CDH4: variants seen among roughly 807,000 people sequenced by gnomAD.
CDH4 encodes cadherin 4.
In CDH4, 33 loss-of-function variants were observed where a neutral mutation model predicts 86.0. The ratio of observed to expected loss-of-function variants is 0.38; its 90% CI spans 0.29 to 0.51. The LOEUF (loss-of-function observed/expected upper bound fraction) is 0.51, where lower values mean the gene tolerates loss of function less well. CDH4 is among the 20% of genes least tolerant of loss of function. The probability of loss-of-function intolerance (pLI) is 0.86; values close to 1 mark genes in which losing one functional copy is unlikely to be tolerated. For synonymous variants in CDH4, 555 were observed against 549.4 expected (o/e 1.01, Z -0.14); for missense variants, 1,114 against 1,307.4 (o/e 0.85, Z 2.28).
chr20:61,866,245 A>G (rs1017803935), intron 6 of CDH4, among the ~76,000 whole-genome samples: 1 of 152,196 alleles, frequency 6.6e-6, no homozygotes, highest in South Asian at 2.1e-4. Flanking sequence ...AGGGATGTTC[A>G]GTAAATATTT....
chr20:61,481,696 GCA>G (rs2085569209), intron 2 of CDH4, among the ~76,000 whole-genome samples: 1 of 152,224 alleles, frequency 6.6e-6, no homozygotes, highest in Non-Finnish European at 1.5e-5. Flanking sequence ...CTGGCTGCAA[GCA>G]CACACGGTAT....
At chr20:61,624,568 G>T (rs775432463) in intron 2 of CDH4, among the ~76,000 whole-genome samples, 1 of 152,242 alleles carries the variant, frequency 6.6e-6, no homozygotes, top group Non-Finnish European at 1.5e-5. Flanking sequence ...GCAGCCAGGA[G>T]ACCAAGCCTC....
intron 2 of CDH4, chr20:61,719,246 A>G: frequency 2.5e-6 from 1 of 396,934 alleles, no homozygotes; most frequent in Non-Finnish European, 5.2e-6. Flanking sequence ...AGAAGGATGC[A>G]AGCCACTGTT....
chr20:61,299,910 G>T (rs954244708), intron 2 of CDH4, among the ~76,000 whole-genome samples: 2 of 152,222 alleles, frequency 1.3e-5, no homozygotes, highest in African/African-American at 2.4e-5. Context: ...GCTTACAGGA[G>T]GTGTGTGGGG....
chr20:61,522,656 G>A (rs948434130), intron 2 of CDH4, among the ~76,000 whole-genome samples: 3 of 152,200 alleles, frequency 2.0e-5, no homozygotes, highest in Non-Finnish European at 4.4e-5. Flanking sequence ...GGAACTGCAC[G>A]CACGGCGCAG....
chr20:61,409,863 G>A (rs2085106860), intron 2 of CDH4, among the ~76,000 whole-genome samples: 1 of 140,196 alleles, frequency 7.1e-6, no homozygotes, highest in African/African-American at 3.3e-5. Flanking sequence ...ATTAACGGTT[G>A]GGGGGCTTAT....
chr20:61,832,559 G>T (rs748540095), intron 4 of CDH4, among the ~76,000 whole-genome samples: 1 of 152,174 alleles, frequency 6.6e-6, no homozygotes, highest in African/African-American at 2.4e-5. Context: ...GGCAGAAGGC[G>T]AAGGGGAAGC....
intron 6 of CDH4, among the ~76,000 whole-genome samples, chr20:61,873,209 A>C (rs1983880048): frequency 6.6e-6 from 1 of 152,152 alleles, no homozygotes; most frequent in African/African-American, 2.4e-5. Context: ...CTCCCTGCTC[A>C]GAGTCCCTTC....
intron 2 of CDH4, among the ~76,000 whole-genome samples, chr20:61,728,368 A>G (rs953129568): frequency 6.6e-6 from 1 of 151,592 alleles, no homozygotes; most frequent in African/African-American, 2.4e-5. Flanking sequence ...TGTTATTTAG[A>G]TGGTGCCTTA....
chr20:61,595,594 A>AT, intron 2 of CDH4, among the ~76,000 whole-genome samples: 1 of 152,220 alleles, frequency 6.6e-6, no homozygotes, highest in African/African-American at 2.4e-5. Flanking sequence ...TTACTTCTTT[A>AT]TTGTTTTTTT....
At chr20:61,581,156 G>T (rs1008790418) in intron 2 of CDH4, among the ~76,000 whole-genome samples, 5 of 152,218 alleles carry the variant, frequency 3.3e-5, no homozygotes, top group Middle Eastern at 3.2e-3. Flanking sequence ...AGAGGAGGCA[G>T]CAGGCTCACC....
At chr20:61,670,156 A>G (rs538281918) in intron 2 of CDH4, among the ~76,000 whole-genome samples, 1 of 152,236 alleles carries the variant, frequency 6.6e-6, no homozygotes, top group Non-Finnish European at 1.5e-5. Context: ...CATGACATGC[A>G]GGGAAATATG....
At chr20:61,561,170 T>C (rs1450460649) in intron 2 of CDH4, among the ~76,000 whole-genome samples, 2 of 152,050 alleles carry the variant, frequency 1.3e-5, no homozygotes, top group Non-Finnish European at 1.5e-5. Flanking sequence ...TTCAGAATTA[T>C]CTCTTTTCGC....
intron 2 of CDH4, among the ~76,000 whole-genome samples, chr20:61,535,804 T>A (rs2085992715): frequency 6.6e-6 from 1 of 151,594 alleles, no homozygotes; most frequent in South Asian, 2.1e-4. Flanking sequence ...ATGGGGAGAG[T>A]GTGGGGGCCC....
Position 61,702,676 on chromosome 20 carries a change from CTTTG to C in CDH4, c.170-40881_170-40878del, listed in dbSNP as rs537919883. The stretch of plus-strand genomic sequence containing the variant: ...TGTATGCATCTTAAAATCACAAAAA[CTTTG>C]TTTGTACTTGAGCTGCAGATTCAAA... On this transcript the variant is annotated intron_variant, in intron 2 of 15. Coordinates refer to ENST00000614565, the MANE Select transcript of CDH4 (RefSeq NM_001794.5). Among the ~76,000 whole-genome samples the C allele has an allele frequency of 2.6e-3, 394 of 152,278 alleles. 2 individuals carry two copies. Among genetic ancestry groups the C allele is most frequent in the African/African-American group, 8.3e-3 (344 of 41,544 alleles).
At chr20:61,598,842 C>T (rs2086576499) in intron 2 of CDH4, among the ~76,000 whole-genome samples, 1 of 152,208 alleles carries the variant, frequency 6.6e-6, no homozygotes, top group Non-Finnish European at 1.5e-5. Flanking sequence ...AGGCCCCTTC[C>T]CTACTGCAGG....
At chr20:61,892,172 A>G (rs958760280) in intron 7 of CDH4, among the ~76,000 whole-genome samples, 1 of 152,202 alleles carries the variant, frequency 6.6e-6, no homozygotes, top group Non-Finnish European at 1.5e-5. Context: ...GCTGTCATGT[A>G]TAAGTTGGAT....
chr20:61,661,310 A>T (rs1229378983), intron 2 of CDH4, among the ~76,000 whole-genome samples: 1 of 152,124 alleles, frequency 6.6e-6, no homozygotes, highest in Admixed American at 6.5e-5. Context: ...GGAAAGCTGG[A>T]TTTTGCATCA....
intron 2 of CDH4, among the ~76,000 whole-genome samples, chr20:61,567,886 TC>T (rs2086312222): frequency 6.6e-6 from 1 of 151,970 alleles, no homozygotes. Context: ...GGAAGGAGGA[TC>T]CCTTGAGCCC....
Sources: gnomAD v4.1 joint callset for allele counts (sites outside exome capture counted in the v4.1 genomes callset) on GRCh38, gnomAD v4.1.1 for gene constraint, MANE v1.5 for transcripts, NCBI Gene and HGNC (gene_info 2026-07-23, HGNC 2026-07-21) for gene names.